The following TOR1AIP2 variants were observed in gnomAD, a reference collection of about 807,000 sequenced individuals.
The protein encoded by TOR1AIP2 is torsin-1A-interacting protein 2.
TOR1AIP2 carries 20 observed loss-of-function variants against 32.6 expected under a neutral mutation model. The observed-to-expected ratio is 0.61, with a 90% CI of 0.43 to 0.89. The LOEUF is 0.89. Among genes scored for constraint, TOR1AIP2 ranks in the 40% least tolerant of loss-of-function variants. The probability of loss-of-function intolerance (pLI) is 0.00; values close to 1 mark genes in which losing one functional copy is unlikely to be tolerated. For synonymous variants in TOR1AIP2, 214 were observed against 210.8 expected (o/e 1.02, Z -0.13); for missense variants, 456 against 553.8 (o/e 0.82, Z 1.77).
Position 179,840,054 on chromosome 1 carries a change from C to T in TOR1AIP2, c.*6017G>A, listed in dbSNP as rs781102369. 1 of 152,172 alleles carries T rather than the reference C, an allele frequency of 6.6e-6. No individual in the cohort carries two copies. The highest frequency in any genetic ancestry group is 1.5e-5 in the Non-Finnish European group (1 of 68,018). The allele number at this position is 152,172 out of a possible 1,614,324, so 9.4% of individuals were successfully genotyped here. ...CATCAGCATCTATAAGAAACAAATA[C>T]AAAAGCAATCCCTGTTATACAGAAA... On this transcript the variant is annotated 3_prime_UTR_variant, in exon 7 of 7. Coordinates refer to ENST00000609928, the MANE Select transcript of TOR1AIP2 (RefSeq NM_001199260.2).
At chr1:179,851,610 T>C (rs1317445021) in intron 4 of TOR1AIP2, among the ~76,000 whole-genome samples, 2 of 152,208 alleles carry the variant, frequency 1.3e-5, no homozygotes, top group Non-Finnish European at 2.9e-5. Flanking sequence ...AACTTTTGGC[T>C]ATATTAAATA....
intron 3 of TOR1AIP2, chr1:179,860,835 T>C: frequency 1.0e-6 from 1 of 985,468 alleles, no homozygotes; most frequent in Non-Finnish European, 1.2e-6. Context: ...CCAGGGAGAC[T>C]GGAGAGATGA....
chr1:179,864,691 G>C (rs1558023139), intron 3 of TOR1AIP2: 22 of 1,499,716 alleles, frequency 1.5e-5, no homozygotes, highest in Non-Finnish European at 1.9e-5. Flanking sequence ...TGACAATCTG[G>C]GTCAGACTTA....
chr1:179,851,266 G>A lies in TOR1AIP2; in HGVS notation c.132C>T (p.His44=). 2 of 1,612,064 alleles carry A rather than the reference G, an allele frequency of 1.2e-6. No individual in the cohort carries two copies. Among genetic ancestry groups the A allele is most frequent in the Non-Finnish European group, 8.5e-7 (1 of 1,179,998 alleles). Residue 44 remains histidine (H), a synonymous_variant, in exon 5 of 7, where the codon CAC becomes CAT. Coordinates refer to ENST00000609928, the MANE Select transcript of TOR1AIP2 (RefSeq NM_001199260.2). ...ASNAEEAEIL[H]SACGLSKDHQ... is the part of the protein sequence containing the mutation. ...GGTCTTTGCTAAGACCACAGGCAGA[G>A]TGTAGGATCTCAGCTTCTTCAGCAT...
chr1:179,856,856 T>C (rs1265113715), intron 3 of TOR1AIP2, among the ~76,000 whole-genome samples: 1 of 152,194 alleles, frequency 6.6e-6, no homozygotes, highest in African/African-American at 2.4e-5. Context: ...TCAAGTGATC[T>C]GCCCGCCTCA....
At chr1:179,862,326 A>G (rs1696572438) in intron 3 of TOR1AIP2, 4 of 984,378 alleles carry the variant, frequency 4.1e-6, no homozygotes, top group Admixed American at 6.1e-5. Flanking sequence ...TACTGATCAT[A>G]ATACTATTCT....
Position 179,862,493 on chromosome 1 carries a change from G to T in TOR1AIP2, c.-147+2943C>A, listed in dbSNP as rs1374587865. On this transcript the variant is annotated intron_variant, in intron 3 of 6. Coordinates refer to ENST00000609928, the MANE Select transcript of TOR1AIP2 (RefSeq NM_001199260.2). ...AATATAACAGGAGAGAACCTCCATTGTAAGAGACATAAGGCAGATACAGGG... is the reference window on the plus strand; with the variant it reads ...AATATAACAGGAGAGAACCTCCATTTTAAGAGACATAAGGCAGATACAGGG... 5.1e-6 allele frequency: 5 copies of T among 985,274 alleles called. No individual in the cohort carries two copies. The African/African-American group carries it at 7.0e-5, about 14-fold the overall frequency. The allele number at this position is 985,274 out of a possible 1,614,324, so 61.0% of individuals were successfully genotyped here.
In TOR1AIP2 at chr1:179,845,162, A is replaced by AGAT. The variant is rs1177276673; in HGVS notation, c.*906_*908dup. 1 of 152,182 alleles carries AGAT rather than the reference A, an allele frequency of 6.6e-6. No homozygotes were observed. Among genetic ancestry groups the AGAT allele is most frequent in the Non-Finnish European group, 1.5e-5 (1 of 68,014 alleles). 9.4% of individuals were successfully genotyped at this position (152,182 alleles called of 1,614,324 possible). On this transcript the variant is annotated 3_prime_UTR_variant, in exon 7 of 7. Transcript: ENST00000609928. ...TTTTAAACATATTTCCTATCTTCTAAGATGTTTTTTCACTTAATCAATGGT... is the reference window on the plus strand; with the variant it reads ...TTTTAAACATATTTCCTATCTTCTAAGATGATGTTTTTTCACTTAATCAATGGT...
chr1:179,863,677 CAAAAAAA>C (rs904854823), intron 3 of TOR1AIP2: 21 of 859,976 alleles, frequency 2.4e-5, no homozygotes, highest in African/African-American at 1.7e-4. Flanking sequence ...TTTTAAAAAG[CAAAAAAA>C]AAAAAAAAAA....
intron 3 of TOR1AIP2, among the ~76,000 whole-genome samples, chr1:179,854,573 T>G (rs1020385623): frequency 1.4e-4 from 21 of 152,128 alleles, no homozygotes; most frequent in African/African-American, 5.1e-4. Flanking sequence ...CAAAACTTCT[T>G]TAAACTTAAA....
intron 4 of TOR1AIP2, 97 bp from the exon 5 acceptor site, chr1:179,851,460 T>G: frequency 1.0e-6 from 1 of 994,104 alleles, no homozygotes; most frequent in Non-Finnish European, 1.4e-6. Context: ...TTACATAGAT[T>G]TTCATGGTTT....
At chr1:179,861,348 C>T (rs761937991) in intron 3 of TOR1AIP2, 41 of 985,306 alleles carry the variant, frequency 4.2e-5, no homozygotes, top group Non-Finnish European at 4.7e-5. Context: ...TGAAGACATA[C>T]TAGAAAGACC....
intron 2 of TOR1AIP2, among the ~76,000 whole-genome samples, chr1:179,871,070 G>C (rs1696994548): frequency 6.6e-6 from 1 of 152,076 alleles, no homozygotes; most frequent in Non-Finnish European, 1.5e-5. Flanking sequence ...GCTCTTAGAG[G>C]GATATAAAAA....
intron 4 of TOR1AIP2, 21 bp from the exon 5 acceptor site, chr1:179,851,384 A>C (rs775552752): frequency 4.1e-6 from 6 of 1,472,734 alleles, no homozygotes; most frequent in Non-Finnish European, 4.5e-6. Flanking sequence ...AAAAGTTTAT[A>C]ATTTTTATTG....
chr1:179,845,740 C>A lies in TOR1AIP2; in HGVS notation c.*331G>T. Reference sequence around the variant, plus strand: ...CACTCAAGAAAAAAAAAAAATCACTCTGTAGTTACTCTAAGAAGTAAGAGT... The same window carrying A: ...CACTCAAGAAAAAAAAAAAATCACTATGTAGTTACTCTAAGAAGTAAGAGT... On this transcript the variant is annotated 3_prime_UTR_variant, in exon 7 of 7. Coordinates refer to ENST00000609928, the MANE Select transcript of TOR1AIP2 (RefSeq NM_001199260.2). 1 of 188,866 alleles carries A rather than the reference C, an allele frequency of 5.3e-6. No homozygotes were observed. The highest frequency in any genetic ancestry group is 1.1e-5 in the Non-Finnish European group (1 of 92,942). The allele number at this position is 188,866 out of a possible 1,614,324, so 11.7% of individuals were successfully genotyped here.
chr1:179,849,071 G>A (rs1423301674), intron 5 of TOR1AIP2, among the ~76,000 whole-genome samples: 2 of 152,150 alleles, frequency 1.3e-5, no homozygotes, highest in Non-Finnish European at 2.9e-5. Flanking sequence ...GGGAGGCGGA[G>A]CTTGCAGTGA....
chr1:179,859,074 AGT>A (rs1364009304), intron 3 of TOR1AIP2: 3 of 983,710 alleles, frequency 3.0e-6, no homozygotes, highest in Non-Finnish European at 3.6e-6. Context: ...ATTTTATTTT[AGT>A]GAATGATGCC....
Position 179,846,693 on chromosome 1 carries a change from T to C in TOR1AIP2, c.791A>G (p.Asp264Gly). 1 of 1,614,164 alleles carries C rather than the reference T, an allele frequency of 6.2e-7. No individual in the cohort carries two copies. The highest frequency in any genetic ancestry group is 8.5e-7 in the Non-Finnish European group (1 of 1,180,030). The change falls in exon 7 of 7, where the codon GAT becomes GGT. Residue 264 changes from aspartate to glycine, a missense_variant. Physicochemically the swap from Asp to Gly is moderately conservative, Grantham distance 94. Coordinates refer to ENST00000609928, the MANE Select transcript of TOR1AIP2 (RefSeq NM_001199260.2). ...GAAGGAACTCTGGCCTGGAAATTTA[T>C]CTTCCAATTGGCTAAACTGGGCCAA... ...AFLAQFSQLE[D>G]KFPGQSSFLW...
intron 3 of TOR1AIP2, chr1:179,859,006 A>G (rs1261603000): frequency 2.0e-6 from 2 of 977,672 alleles, no homozygotes; most frequent in Non-Finnish European, 2.4e-6. Context: ...AAATGCCATC[A>G]TGACAAATGT....
Sources: gnomAD v4.1 joint callset for allele counts (sites outside exome capture counted in the v4.1 genomes callset) on GRCh38, gnomAD v4.1.1 for gene constraint, MANE v1.5 for transcripts, NCBI Gene and HGNC (gene_info 2026-07-23, HGNC 2026-07-21) for gene names.